ATG7: variants seen among roughly 807,000 people sequenced by gnomAD.
The protein encoded by ATG7 is autophagy related 7.
ATG7 carries 70 observed loss-of-function variants against 82.4 expected under a neutral mutation model. That is an observed-to-expected ratio of 0.85 (90% CI 0.70 to 1.04). The LOEUF (loss-of-function observed/expected upper bound fraction) is 1.04. Ranked by LOEUF, ATG7 falls within the 50% of genes least tolerant of loss-of-function variation. ATG7 has a pLI of 0.00. For synonymous variants in ATG7, 287 were observed against 313.0 expected (o/e 0.92, Z 0.88); for missense variants, 792 against 864.3 (o/e 0.92, Z 1.05).
chr3:11,571,840 C>T, the ATG7 span, among the ~76,000 whole-genome samples: 23 of 152,304 alleles, frequency 1.5e-4, no homozygotes, highest in Non-Finnish European at 3.2e-4. Flanking sequence ...GGCACAGTGG[C>T]TCACACCTGT....
intron 20 of ATG7, among the ~76,000 whole-genome samples, chr3:11,552,937 A>G (rs1057101698): frequency 6.6e-6 from 1 of 152,118 alleles, no homozygotes; most frequent in African/African-American, 2.4e-5. Flanking sequence ...CTACTTTCCT[A>G]TAAAGCCCAG....
intron 11 of ATG7, among the ~76,000 whole-genome samples, chr3:11,335,987 C>T (rs1270691217): frequency 1.3e-5 from 2 of 151,344 alleles, no homozygotes; most frequent in African/African-American, 2.4e-5. Flanking sequence ...CCACCCGCCT[C>T]GGCCTCCCAA....
the ATG7 span, among the ~76,000 whole-genome samples, chr3:11,574,525 A>G: frequency 2.0e-5 from 3 of 152,168 alleles, no homozygotes; most frequent in African/African-American, 4.8e-5. Context: ...GAGATTTGCT[A>G]AAGGATACAA....
At chr3:11,405,466 C>T (rs2080239181) in intron 19 of ATG7, among the ~76,000 whole-genome samples, 2 of 152,282 alleles carry the variant, frequency 1.3e-5, no homozygotes, top group South Asian at 4.1e-4. Flanking sequence ...TTTTGTCAGC[C>T]TTCTCTTTCC....
intron 19 of ATG7, among the ~76,000 whole-genome samples, chr3:11,424,657 AATT>A (rs1401610134): frequency 7.9e-5 from 12 of 152,118 alleles, no homozygotes; most frequent in Non-Finnish European, 1.6e-4. Context: ...AATATTGAAT[AATT>A]ATTAAGTAAC....
intron 20 of ATG7, among the ~76,000 whole-genome samples, chr3:11,476,472 G>C (rs1195607251): frequency 4.8e-5 from 7 of 146,306 alleles, no homozygotes; most frequent in Non-Finnish European, 1.0e-4. Context: ...TGCTAGAGCT[G>C]AGATAAAACC....
chr3:11,356,618 A>G (rs919209664), intron 14 of ATG7, among the ~76,000 whole-genome samples: 11 of 152,222 alleles, frequency 7.2e-5, no homozygotes, highest in African/African-American at 1.9e-4. Context: ...GCATGATTAT[A>G]CTTCCATCTT....
At chr3:11,558,220 T>C (rs1047590239), downstream of ATG7, 8 of 379,152 alleles carry the variant, frequency 2.1e-5, no homozygotes, top group African/African-American at 1.2e-4. Context: ...CAATTCATCA[T>C]GGCTTGTGAC....
At chr3:11,419,441 C>CT (rs1436262197) in intron 19 of ATG7, among the ~76,000 whole-genome samples, 2 of 152,144 alleles carry the variant, frequency 1.3e-5, no homozygotes, top group Non-Finnish European at 2.9e-5. Flanking sequence ...GTAATCCCAG[C>CT]TACTGGGGTG....
At chr3:11,526,262 A>G (rs1559800103) in intron 20 of ATG7, among the ~76,000 whole-genome samples, 1 of 152,042 alleles carries the variant, frequency 6.6e-6, no homozygotes, top group Non-Finnish European at 1.5e-5. Context: ...CTAGTGGTGC[A>G]TGCCTGTAAT....
At chr3:11,404,678 A>G (rs532686570) in intron 19 of ATG7, among the ~76,000 whole-genome samples, 2 of 152,216 alleles carry the variant, frequency 1.3e-5, no homozygotes, top group African/African-American at 2.4e-5. Context: ...TTATAAGGGA[A>G]AGAGGTTTAA....
intron 19 of ATG7, among the ~76,000 whole-genome samples, chr3:11,410,256 A>G (rs2080767744): frequency 6.6e-6 from 1 of 152,100 alleles, no homozygotes; most frequent in Non-Finnish European, 1.5e-5. Context: ...AGTTCTCCAT[A>G]TGTACATCTT....
At chr3:11,370,428 G>C (rs1175085077) in intron 18 of ATG7, among the ~76,000 whole-genome samples, 2 of 151,184 alleles carry the variant, frequency 1.3e-5, no homozygotes, top group African/African-American at 4.9e-5. Flanking sequence ...TTTTGCAATT[G>C]CTACACTCTC....
At chr3:11,564,863 C>G in the ATG7 span, 1 of 1,609,030 alleles carries the variant, frequency 6.2e-7, no homozygotes, top group African/African-American at 1.3e-5. Context: ...CCAGGCTGTT[C>G]TTGGTCAGTG....
chr3:11,440,741 T>C (rs1329283890), intron 20 of ATG7, among the ~76,000 whole-genome samples: 1 of 120,826 alleles, frequency 8.3e-6, no homozygotes, highest in Non-Finnish European at 1.6e-5. Context: ...TGGAGTGCAA[T>C]GGTGCAATCT....
In ATG7 at chr3:11,299,314, C is replaced by G. The variant is rs773841229; in HGVS notation, c.161-48C>G. 1.2e-5 allele frequency: 18 copies of G among 1,552,056 alleles called. No homozygotes were observed. The South Asian group carries it at 2.0e-4, about 17-fold the overall frequency. On this transcript the variant is annotated intron_variant, in intron 4 of 20. Transcript: ENST00000693202. ...TTCATAAGCATTTTTGTTATGAACG[C>G]TGCTATTTCTGACTTGTCATTGAAA... is the stretch of plus-strand genomic sequence containing the variant.
At chr3:11,329,435 TG>T (rs1951331510) in intron 9 of ATG7, among the ~76,000 whole-genome samples, 1 of 152,218 alleles carries the variant, frequency 6.6e-6, no homozygotes, top group Admixed American at 6.5e-5. Flanking sequence ...AGGAAACCTA[TG>T]GGTCAATTTA....
chr3:11,528,479 A>C (rs888350565), intron 20 of ATG7, among the ~76,000 whole-genome samples: 7 of 152,202 alleles, frequency 4.6e-5, no homozygotes, highest in Non-Finnish European at 8.8e-5. Context: ...CTTACCTCTG[A>C]TATCACAGTC....
At chr3:11,562,088 G>A (rs2073071922), downstream of ATG7, among the ~76,000 whole-genome samples, 1 of 151,952 alleles carries the variant, frequency 6.6e-6, no homozygotes, top group Non-Finnish European at 1.5e-5. Flanking sequence ...AGTAAAAACA[G>A]GGTTTCACCA....
Sources: gnomAD v4.1 joint callset for allele counts (sites outside exome capture counted in the v4.1 genomes callset) on GRCh38, gnomAD v4.1.1 for gene constraint, MANE v1.5 for transcripts, NCBI Gene and HGNC (gene_info 2026-07-23, HGNC 2026-07-21) for gene names.